AGAP1: variants seen among roughly 807,000 people sequenced by gnomAD.
AGAP1 encodes the protein ArfGAP with GTPase domain, ankyrin repeat and PH domain 1, also known as arf-GAP with GTPase, ANK repeat and PH domain-containing protein 1.
In AGAP1, 29 loss-of-function variants were observed where a neutral mutation model predicts 105.3. That is an observed-to-expected ratio of 0.28 (90% CI 0.21 to 0.38). AGAP1 has a LOEUF of 0.38. Among genes scored for constraint, AGAP1 ranks in the 10% least tolerant of loss-of-function variants. The pLI is 1.00. For synonymous variants in AGAP1, 509 were observed against 485.9 expected, an observed-to-expected ratio of 1.05 and a Z score of -0.63; for missense variants, 998 against 1,165.1, an observed-to-expected ratio of 0.86 and a Z score of 2.09.
chr2:235,871,167 G>A (rs2049418880), intron 9 of AGAP1, among the ~76,000 whole-genome samples: 2 of 152,224 alleles, frequency 1.3e-5, no homozygotes, highest in African/African-American at 4.8e-5. Flanking sequence ...TCTTAGTTCT[G>A]ATGCCAGTTC....
rs1946234704 is a variant in AGAP1, at chr2:235,614,230, C to T, written c.164-94949C>T. ...ATGGTGACATTGGCCAGAGTCACCC[C>T]ATAATCATACAGTTAGCAGTGTGGC... is the stretch of plus-strand genomic sequence containing the variant. On this transcript the variant is annotated intron_variant, in intron 1 of 17. Coordinates refer to ENST00000304032, the MANE Select transcript of AGAP1 (RefSeq NM_001037131.3). This position sits in a 1 kb window ranked among gnomAD's most constrained non-coding sequence, Gnocchi z 4.7. Among the ~76,000 whole-genome samples the T allele has an allele frequency of 6.6e-6, 1 of 152,100 alleles. No homozygotes were observed. Among genetic ancestry groups the T allele is most frequent in the Non-Finnish European group, 1.5e-5 (1 of 68,016 alleles).
At position 235,614,806 on chromosome 2, in the gene AGAP1, G is replaced by A. The variant is rs999057993; in HGVS notation, c.164-94373G>A. On this transcript the variant is annotated intron_variant, in intron 1 of 17. Coordinates refer to ENST00000304032, the MANE Select transcript of AGAP1 (RefSeq NM_001037131.3). The surrounding 1 kb of genome is among the most constrained non-coding windows in gnomAD (Gnocchi z 4.7). ...TACCAAGAGGGTGCTGTCTTTTCCT[G>A]TTTTCTTGGCCTCCTAGGGAATCAG... Among the ~76,000 whole-genome samples the A allele has an allele frequency of 2.0e-5, 3 of 152,166 alleles. No individual in the cohort carries two copies. Among genetic ancestry groups the A allele is most frequent in the African/African-American group, 7.2e-5 (3 of 41,440 alleles).
chr2:235,950,455 G>A (rs2053684201), intron 12 of AGAP1, among the ~76,000 whole-genome samples: 1 of 151,978 alleles, frequency 6.6e-6, no homozygotes, highest in Admixed American at 6.6e-5. Context: ...AGTTGCAGGA[G>A]GAGCAAAGGG....
chr2:236,120,049 C>T lies in AGAP1; in HGVS notation c.2115-143C>T, dbSNP rs1276328186. On this transcript the variant is annotated intron_variant, in intron 16 of 17. Coordinates refer to ENST00000304032, the MANE Select transcript of AGAP1 (RefSeq NM_001037131.3). This position sits in a 1 kb window ranked among gnomAD's most constrained non-coding sequence, Gnocchi z 6.0. Reference sequence around the variant, plus strand: ...TGTGAAGGTGGATAAACGTTTCCCCCAGGGGGCTTTGTGCCGAGTGAAGAC... The same window carrying T: ...TGTGAAGGTGGATAAACGTTTCCCCTAGGGGGCTTTGTGCCGAGTGAAGAC... 4.2e-6 allele frequency: 5 copies of T among 1,191,210 alleles called. No individual in the cohort carries two copies. The East Asian group carries it at 1.2e-4, about 29-fold the overall frequency. 73.8% of individuals were successfully genotyped at this position (1,191,210 alleles called of 1,614,324 possible). A position where few individuals can be genotyped will look rare whatever the true frequency, so the allele number is the denominator to read the frequency against.
Position 235,904,989 on chromosome 2 carries a change from G to A in AGAP1, c.1156-3749G>A, listed in dbSNP as rs2051236572. Among the ~76,000 whole-genome samples, 1 of 151,442 alleles carries A rather than the reference G, an allele frequency of 6.6e-6. No individual in the cohort carries two copies. Among genetic ancestry groups the A allele is most frequent in the South Asian group, 2.1e-4 (1 of 4,792 alleles). On this transcript the variant is annotated intron_variant, in intron 10 of 17. Transcript: ENST00000304032. This position sits in a 1 kb window ranked among gnomAD's most constrained non-coding sequence, Gnocchi z 4.2. Reference sequence around the variant, plus strand: ...ATTTTATTTATTTTTTTTTTTTAGAGCTAGTTCTTCTGAGGTTGTAACGCC... The same window carrying A: ...ATTTTATTTATTTTTTTTTTTTAGAACTAGTTCTTCTGAGGTTGTAACGCC...
intron 6 of AGAP1, among the ~76,000 whole-genome samples, chr2:235,755,800 T>TGGCAGCAAGCAGCTCTTCTGGAC (rs1477869219): frequency 1.3e-5 from 2 of 152,186 alleles, no homozygotes; most frequent in Non-Finnish European, 2.9e-5. Context: ...GCTTTCTGAG[T>TGGCAGCAAGCAGCTCTTCTGGAC]GGCAGCAAGC....
intron 9 of AGAP1, among the ~76,000 whole-genome samples, chr2:235,857,778 G>C (rs1022289093): frequency 6.6e-6 from 1 of 152,226 alleles, no homozygotes; most frequent in Admixed American, 6.5e-5. Flanking sequence ...TAACTGATTT[G>C]CAAGAATGTA....
chr2:235,525,314 G>GATACATAATGTGGAGGACTA (rs1487535825), intron 1 of AGAP1, among the ~76,000 whole-genome samples: 1 of 124,770 alleles, frequency 8.0e-6, no homozygotes, highest in African/African-American at 3.2e-5. Flanking sequence ...GTGGAGGACT[G>GATACATAATGTGGAGGACTA]ATACATAATG....
intron 1 of AGAP1, among the ~76,000 whole-genome samples, chr2:235,702,901 G>A (rs2149483609): frequency 7.0e-6 from 1 of 141,952 alleles, no homozygotes; most frequent in Non-Finnish European, 1.5e-5. Context: ...TACTCCATGT[G>A]GAGTTAGTGG....
chr2:235,773,505 G>C (rs1955620344), intron 6 of AGAP1, among the ~76,000 whole-genome samples: 1 of 152,186 alleles, frequency 6.6e-6, no homozygotes, highest in Admixed American at 6.5e-5. Flanking sequence ...AGGCAGGGAG[G>C]GGGTTGCAAA....
intron 11 of AGAP1, among the ~76,000 whole-genome samples, chr2:235,913,018 A>G (rs2051695059): frequency 6.6e-6 from 1 of 152,112 alleles, no homozygotes; most frequent in Non-Finnish European, 1.5e-5. Flanking sequence ...TATATTTAGG[A>G]TATGAATATA....
At chr2:235,563,316 C>T (rs1308946038) in intron 1 of AGAP1, among the ~76,000 whole-genome samples, 1 of 152,138 alleles carries the variant, frequency 6.6e-6, no homozygotes, top group Admixed American at 6.5e-5. Flanking sequence ...TATCACTGCT[C>T]TTGTGTCTGC....
At chr2:236,066,586 G>C (rs1184263825) in intron 16 of AGAP1, among the ~76,000 whole-genome samples, 1 of 152,190 alleles carries the variant, frequency 6.6e-6, no homozygotes, top group Non-Finnish European at 1.5e-5. Flanking sequence ...ATTCTTTTGA[G>C]ATTGTTGAGA....
intron 1 of AGAP1, among the ~76,000 whole-genome samples, chr2:235,698,271 C>CTTT (rs71400782): frequency 6.6e-6 from 1 of 151,688 alleles, no homozygotes; most frequent in Non-Finnish European, 1.5e-5. Context: ...GATGAAGCTT[C>CTTT]GCTTTGCTTG....
Position 235,889,808 on chromosome 2 carries a change from G to C in AGAP1, c.1155+6359G>C, listed in dbSNP as rs1005475937. On this transcript the variant is annotated intron_variant, in intron 10 of 17. Transcript: ENST00000304032. The surrounding 1 kb of genome is among the most constrained non-coding windows in gnomAD (Gnocchi z 4.6). ...ACCTCTGTTTCTAAGCAGTGGAATA[G>C]AATTGCTTATGGAATAGCCAGGTCA... Among the ~76,000 whole-genome samples the C allele has an allele frequency of 6.6e-6, 1 of 152,162 alleles. No individual in the cohort carries two copies. Among genetic ancestry groups the C allele is most frequent in the Non-Finnish European group, 1.5e-5 (1 of 68,026 alleles).
intron 7 of AGAP1, among the ~76,000 whole-genome samples, chr2:235,798,519 C>G (rs1284260296): frequency 2.0e-5 from 3 of 152,024 alleles, no homozygotes; most frequent in Admixed American, 1.3e-4. Context: ...GTCGTACTTT[C>G]AGTTTGCTTG....
Position 235,736,847 on chromosome 2 carries a change from C to T in AGAP1, c.311-4116C>T, listed in dbSNP as rs1340532580. ...CAGAGTGAGACTGTGTCTCAAAAAA[C>T]AAAACAAAACACAACACAACAACAA... On this transcript the variant is annotated intron_variant, in intron 3 of 17. Coordinates refer to ENST00000304032, the MANE Select transcript of AGAP1 (RefSeq NM_001037131.3). The surrounding 1 kb of genome is among the most constrained non-coding windows in gnomAD (Gnocchi z 5.5). Among the ~76,000 whole-genome samples, 1 of 152,034 alleles carries T rather than the reference C, an allele frequency of 6.6e-6. No homozygotes were observed. The highest frequency in any genetic ancestry group is 6.5e-5 in the Admixed American group (1 of 15,268).
At chr2:235,706,422 G>A (rs1010468743) in intron 1 of AGAP1, among the ~76,000 whole-genome samples, 1 of 151,968 alleles carries the variant, frequency 6.6e-6, no homozygotes, top group African/African-American at 2.4e-5. Context: ...TAGAGTTGGG[G>A]TTTCACCATG....
chr2:235,505,258 CAACTCAAGGAGTAATT>C (rs1405281936), intron 1 of AGAP1, among the ~76,000 whole-genome samples: 1 of 152,168 alleles, frequency 6.6e-6, no homozygotes, highest in African/African-American at 2.4e-5. Context: ...TAAGTGTTGC[CAACTCAAGGAGTAATT>C]TTCTTTGTTC....
Sources: allele counts gnomAD v4.1 joint callset (sites outside exome capture counted in the v4.1 genomes callset), GRCh38; gene constraint gnomAD v4.1.1; non-coding constraint Gnocchi (gnomAD v3.1); transcripts MANE v1.5; gene names NCBI Gene and HGNC (gene_info 2026-07-23, HGNC 2026-07-21).